Variants in THRB observed in about 807,000 individuals in gnomAD.
THRB encodes the protein nuclear receptor subfamily 1 group A member 2.
THRB carries 12 observed loss-of-function variants against 47.8 expected under a neutral mutation model. The ratio of observed to expected loss-of-function variants is 0.25; its 90% CI spans 0.16 to 0.41. The LOEUF (loss-of-function observed/expected upper bound fraction) is 0.41. Among genes scored for constraint, THRB ranks in the 10% least tolerant of loss-of-function variants. THRB has a pLI of 1.00. For missense variants in THRB, 348 were observed against 589.2 expected, an observed-to-expected ratio of 0.59 and a Z score of 4.24; for synonymous variants, 218 against 212.2, an observed-to-expected ratio of 1.03 and a Z score of -0.24.
chr3:24,162,218 T>C (rs1006655441), intron 5 of THRB, among the ~76,000 whole-genome samples: 2 of 152,084 alleles, frequency 1.3e-5, no homozygotes, highest in African/African-American at 4.8e-5. Flanking sequence ...AAGTCAACTT[T>C]TTACTTTGCT....
intron 4 of THRB, among the ~76,000 whole-genome samples, chr3:24,208,380 C>T (rs1234458205): frequency 2.0e-5 from 3 of 152,132 alleles, no homozygotes; most frequent in South Asian, 2.1e-4. Flanking sequence ...AAAAAGAGCC[C>T]GCATTGCCAA....
chr3:24,206,175 C>G (rs1479296000), intron 4 of THRB, among the ~76,000 whole-genome samples: 5 of 152,146 alleles, frequency 3.3e-5, no homozygotes, highest in Non-Finnish European at 7.3e-5. Flanking sequence ...CAGAACTGTC[C>G]ACCCCAAATC....
chr3:24,271,898 G>A (rs952376848), intron 3 of THRB, among the ~76,000 whole-genome samples: 9 of 152,168 alleles, frequency 5.9e-5, no homozygotes, highest in Non-Finnish European at 8.8e-5. Flanking sequence ...GGTAAATGAT[G>A]TAGAGAAAAG....
At chr3:24,381,770 A>G (rs2065732463) in intron 1 of THRB, among the ~76,000 whole-genome samples, 1 of 152,122 alleles carries the variant, frequency 6.6e-6, no homozygotes, top group Non-Finnish European at 1.5e-5. Flanking sequence ...CTCAAGCAAA[A>G]GAAAAGTCCT....
intron 1 of THRB, among the ~76,000 whole-genome samples, chr3:24,402,840 A>G (rs1282744727): frequency 6.6e-6 from 1 of 151,976 alleles, no homozygotes; most frequent in Non-Finnish European, 1.5e-5. Flanking sequence ...CGCACTGCCA[A>G]ATTATCTCCA....
At chr3:24,205,027 T>C (rs2045139139) in intron 4 of THRB, among the ~76,000 whole-genome samples, 1 of 152,262 alleles carries the variant, frequency 6.6e-6, no homozygotes, top group East Asian at 1.9e-4. Flanking sequence ...CTACATCTGA[T>C]TGGTGTACCT....
intron 3 of THRB, among the ~76,000 whole-genome samples, chr3:24,280,398 AAC>A (rs1483883641): frequency 2.0e-5 from 3 of 152,160 alleles, no homozygotes; most frequent in African/African-American, 7.2e-5. Context: ...AAGGAAAACT[AAC>A]AAACAGAAAG....
intron 1 of THRB, among the ~76,000 whole-genome samples, chr3:24,493,875 G>A (rs1698576674): frequency 6.6e-6 from 1 of 152,172 alleles, no homozygotes; most frequent in Non-Finnish European, 1.5e-5. Flanking sequence ...GACAACTGCC[G>A]CTAAGAAGGG....
Position 24,127,451 on chromosome 3 carries a change from C to T in THRB, c.1144+48G>A, listed in dbSNP as rs778288634. On this transcript the variant is annotated intron_variant, in intron 10 of 10. Coordinates refer to ENST00000646209, the MANE Select transcript of THRB (RefSeq NM_001354712.2). ...TCAAGTGATTGGAATTAGCGCTAGA[C>T]AAGCAAAAGCTCTTTGGATGCCCAC... 12 of 1,609,868 alleles carry T rather than the reference C, an allele frequency of 7.5e-6. No individual in the cohort carries two copies. In the Admixed American group the frequency reaches 1.5e-4, roughly 20 times the overall value.
In THRB at chr3:24,299,772, TATTTATTTATTTATTTA is replaced by T. The variant is rs773854441; in HGVS notation, c.-188-2418_-188-2402del. ...AGGCTTCTGGGGAAGTATGCTTTTT[TATTTATTTATTTATTTA>T]TTTTTTTTTTTTTAGCAAACATACC... On this transcript the variant is annotated intron_variant, in intron 2 of 10. Coordinates refer to ENST00000646209, the MANE Select transcript of THRB (RefSeq NM_001354712.2). Among the ~76,000 whole-genome samples, 64 of 118,530 alleles carry T rather than the reference TATTTATTTATTTATTTA, an allele frequency of 5.4e-4. 8 individuals are homozygous for T. The highest frequency in any genetic ancestry group is 1.3e-3 in the African/African-American group (39 of 29,224). The allele number at this position is 118,530 out of a possible 152,430, so 77.8% of individuals were successfully genotyped here.
chr3:24,420,663 C>G (rs971727285), intron 1 of THRB, among the ~76,000 whole-genome samples: 2 of 151,834 alleles, frequency 1.3e-5, no homozygotes, highest in African/African-American at 4.8e-5. Context: ...CCATCTCACA[C>G]CTGTCAGAAT....
At chr3:24,460,061 T>A (rs2125638757) in intron 1 of THRB, among the ~76,000 whole-genome samples, 2 of 152,280 alleles carry the variant, frequency 1.3e-5, no homozygotes, top group South Asian at 4.1e-4. Flanking sequence ...TGTCCTCTTT[T>A]CTTTGCTTCC....
intron 4 of THRB, among the ~76,000 whole-genome samples, chr3:24,213,937 C>T (rs1286489077): frequency 6.6e-6 from 1 of 152,172 alleles, no homozygotes; most frequent in Non-Finnish European, 1.5e-5. Context: ...CAGATATGGT[C>T]ACTGTGGGGG....
chr3:24,226,886 T>C (rs890485500), intron 4 of THRB, among the ~76,000 whole-genome samples: 1 of 152,206 alleles, frequency 6.6e-6, no homozygotes, highest in African/African-American at 2.4e-5. Context: ...AATTGAGTAA[T>C]TATGACAGAC....
chr3:24,227,999 A>G (rs556259072), intron 4 of THRB, among the ~76,000 whole-genome samples: 3 of 152,270 alleles, frequency 2.0e-5, no homozygotes, highest in South Asian at 2.1e-4. Context: ...CTAACATCTA[A>G]AATTTGGGAT....
intron 1 of THRB, among the ~76,000 whole-genome samples, chr3:24,393,167 C>G (rs1190687427): frequency 1.3e-5 from 2 of 152,082 alleles, no homozygotes; most frequent in Admixed American, 6.6e-5. Context: ...GAAGTCCTTC[C>G]CTGCCTTGCT....
intron 1 of THRB, among the ~76,000 whole-genome samples, chr3:24,443,925 G>T (rs1027365560): frequency 6.6e-6 from 1 of 152,060 alleles, no homozygotes; most frequent in African/African-American, 2.4e-5. Flanking sequence ...GCTCTGTCTG[G>T]CCATAAATCC....
intron 1 of THRB, among the ~76,000 whole-genome samples, chr3:24,338,076 T>C (rs13073259): frequency 0.33 from 49,979 of 152,076 alleles, 10,365 homozygotes; most frequent in African/African-American, 0.57. Flanking sequence ...ACAATTTTTG[T>C]TGTTGTTGTA....
intron 4 of THRB, among the ~76,000 whole-genome samples, chr3:24,211,065 G>A (rs910727756): frequency 4.0e-5 from 6 of 151,894 alleles, no homozygotes; most frequent in South Asian, 2.1e-4. Flanking sequence ...CAGGTGTGGC[G>A]GTAGGTTGCC....
Sources: allele counts gnomAD v4.1 joint callset (sites outside exome capture counted in the v4.1 genomes callset), GRCh38; gene constraint gnomAD v4.1.1; transcripts MANE v1.5; gene names NCBI Gene and HGNC (gene_info 2026-07-23, HGNC 2026-07-21).